Variants in GREB1 observed in about 807,000 individuals in gnomAD.
The protein encoded by GREB1 is protein GREB1.
GREB1 carries 106 observed loss-of-function variants against 200.7 expected under a neutral mutation model. That is an observed-to-expected ratio of 0.53 (90% confidence interval 0.45 to 0.62). The LOEUF is 0.62. Ranked by LOEUF, GREB1 falls within the 20% of genes least tolerant of loss-of-function variation. The probability of loss-of-function intolerance (pLI) is 0.00; values close to 1 mark genes in which losing one functional copy is unlikely to be tolerated. For synonymous variants in GREB1, 1,132 were observed against 1,092.4 expected, an observed-to-expected ratio of 1.04 and a Z score of -0.72; for missense variants, 2,243 against 2,556.8, an observed-to-expected ratio of 0.88 and a Z score of 2.65.
intron 23 of GREB1, among the ~76,000 whole-genome samples, chr2:11,623,203 T>C (rs1221938818): frequency 6.6e-6 from 1 of 152,240 alleles, no homozygotes; most frequent in African/African-American, 2.4e-5. Flanking sequence ...GCAAGAGGCA[T>C]TACTCAAGTG....
chr2:11,483,267 TGTGCGTGTGTGAGTGCGCGTGTGC>T (rs1672555362), intron 1 of GREB1, among the ~76,000 whole-genome samples: 1 of 149,100 alleles, frequency 6.7e-6, no homozygotes, highest in Non-Finnish European at 1.5e-5. Context: ...TGTGCACGTG[TGTGCGTGTGTGAGTGCGCGTGTGC>T]GTGCGTGCAT....
At chr2:11,592,449 G>C (rs1680823893) in intron 10 of GREB1, among the ~76,000 whole-genome samples, 1 of 151,648 alleles carries the variant, frequency 6.6e-6, no homozygotes. Flanking sequence ...TTAGGTGTGT[G>C]TGGCCAAAGA....
Position 11,613,229 on chromosome 2 carries a change from G to A in GREB1, c.3122+619G>A, listed in dbSNP as rs575225949. Among the ~76,000 whole-genome samples the A allele has an allele frequency of 2.4e-4, 37 of 152,156 alleles. No homozygotes were observed. The South Asian group carries it at 6.2e-3, about 26-fold the overall frequency. On this transcript the variant is annotated intron_variant, in intron 19 of 32. Coordinates refer to ENST00000381486, the MANE Select transcript of GREB1 (RefSeq NM_014668.4). ...TCTCTAGGCCACCACACAGACATGC[G>A]GACACTCGAGACTCAGGTCCCTGGG...
At chr2:11,624,057 T>G (rs1220061276) in intron 23 of GREB1, among the ~76,000 whole-genome samples, 2 of 152,220 alleles carry the variant, frequency 1.3e-5, no homozygotes. Context: ...TTTAAAAGGT[T>G]ATAAAGTAAA....
chr2:11,526,057 C>T (rs1296553986), intron 1 of GREB1, among the ~76,000 whole-genome samples: 1 of 152,192 alleles, frequency 6.6e-6, no homozygotes, highest in Non-Finnish European at 1.5e-5. Context: ...CAAAGGCTTT[C>T]TTTTATCAAT....
intron 23 of GREB1, 151 bp from the exon 24 acceptor site, chr2:11,625,003 G>A (rs2148392353): frequency 1.5e-6 from 1 of 669,654 alleles, no homozygotes; most frequent in African/African-American, 1.8e-5. Context: ...CCGTGTAGGT[G>A]TGTGTAAGTG....
At chr2:11,620,410 A>C (rs966193640) in intron 22 of GREB1, among the ~76,000 whole-genome samples, 1 of 152,200 alleles carries the variant, frequency 6.6e-6, no homozygotes, top group African/African-American at 2.4e-5. Context: ...GGAAGCAGGG[A>C]ACTCTACGTT....
intron 30 of GREB1, among the ~76,000 whole-genome samples, chr2:11,637,070 G>A (rs1482931221): frequency 1.8e-5 from 2 of 111,256 alleles, no homozygotes; most frequent in African/African-American, 5.8e-5. Flanking sequence ...AGGGACAGAG[G>A]CAGGGGCAGG....
rs750666787 is a variant in GREB1, at chr2:11,625,298, G to T, written c.4292G>T (p.Gly1431Val). Reference protein sequence around the residue: ...DASLICSHYQGIKSEDRGMSR... With the variant: ...DASLICSHYQVIKSEDRGMSR... ...AGCCTGATTTGTTCGCACTATCAGG[G>T]TATAAAGAGTGAAGGTCAGACTTTG... The change falls in exon 24 of 33, where the codon GGT becomes GTT. Residue 1431 changes from glycine (G) to valine (V), a missense_variant. Physicochemically the swap from Gly to Val is moderately radical, Grantham distance 109 (BLOSUM62 -3). This residue lies in a region of GREB1 where 587 missense variants were observed against 553.1 expected (regional missense o/e 1.06). Coordinates refer to ENST00000381486, the MANE Select transcript of GREB1 (RefSeq NM_014668.4). The T allele has an allele frequency of 3.1e-6, 5 of 1,614,034 alleles. No homozygotes were observed. Among genetic ancestry groups the T allele is most frequent in the Non-Finnish European group, 3.4e-6 (4 of 1,180,006 alleles).
At chr2:11,621,605 C>T (rs1684021441) in intron 23 of GREB1, among the ~76,000 whole-genome samples, 1 of 152,226 alleles carries the variant, frequency 6.6e-6, no homozygotes, top group African/African-American at 2.4e-5. Flanking sequence ...TCCTCCTCAT[C>T]CCTCCTCCCA....
chr2:11,594,240 G>T (rs1210676334), intron 11 of GREB1, among the ~76,000 whole-genome samples: 2 of 151,580 alleles, frequency 1.3e-5, no homozygotes, highest in Admixed American at 1.3e-4. Flanking sequence ...AAACTCTTGG[G>T]CTCAAGCAGT....
At position 11,512,711 on chromosome 2, in the gene GREB1, A is replaced by T. The variant is rs926634153; in HGVS notation, c.-159+30330A>T. ...CCAAGCCTCACTTTCCCTGTGTGAC[A>T]AAGAGGATAAGACCTCTTGTCTCAC... is the stretch of plus-strand genomic sequence containing the variant. On this transcript the variant is annotated intron_variant, in intron 1 of 2. Coordinates refer to the GREB1 transcript ENST00000628795. Among the ~76,000 whole-genome samples the T allele has an allele frequency of 9.9e-5, 15 of 152,216 alleles. 1 individual carries two copies. Among genetic ancestry groups the T allele is most frequent in the Admixed American group, 9.8e-4 (15 of 15,282 alleles).
At chr2:11,619,176 C>T (rs1020125813) in intron 22 of GREB1, among the ~76,000 whole-genome samples, 16 of 152,300 alleles carry the variant, frequency 1.1e-4, no homozygotes, top group South Asian at 8.3e-4. Flanking sequence ...TATCAGACTA[C>T]GGTTCCTCAA....
At chr2:11,586,370 T>C (rs917059799) in intron 9 of GREB1, among the ~76,000 whole-genome samples, 1 of 152,256 alleles carries the variant, frequency 6.6e-6, no homozygotes, top group African/African-American at 2.4e-5. Context: ...TGGGCAAAGA[T>C]AGCCGTGGTC....
intron 1 of GREB1, among the ~76,000 whole-genome samples, chr2:11,549,632 C>T (rs1024374973): frequency 5.9e-5 from 9 of 152,148 alleles, no homozygotes; most frequent in Admixed American, 1.3e-4. Flanking sequence ...TCAACTTTGC[C>T]TTGTAGCCCT....
At chr2:11,483,287 TGTGC>T (rs1281584752) in intron 1 of GREB1, among the ~76,000 whole-genome samples, 2 of 147,816 alleles carry the variant, frequency 1.4e-5, no homozygotes, top group East Asian at 2.0e-4. Flanking sequence ...TGAGTGCGCG[TGTGC>T]GTGCGTGCAT....
chr2:11,511,469 A>G (rs1673350031), intron 1 of GREB1, among the ~76,000 whole-genome samples: 2 of 152,144 alleles, frequency 1.3e-5, no homozygotes, highest in Non-Finnish European at 2.9e-5. Context: ...TGGAGACAAG[A>G]TGGGAGTGTG....
At chr2:11,612,664 C>A in intron 19 of GREB1, 54 bp downstream of exon 19, 1 of 1,157,670 alleles carries the variant, frequency 8.6e-7, no homozygotes, top group Non-Finnish European at 1.3e-6. Context: ...CTGCCTGGGC[C>A]CCCTCAAGGA....
intron 23 of GREB1, among the ~76,000 whole-genome samples, chr2:11,623,363 C>T (rs1393975855): frequency 6.6e-6 from 1 of 152,162 alleles, no homozygotes; most frequent in Non-Finnish European, 1.5e-5. Context: ...TAGTATACAC[C>T]TTCTACTTAT....
Sources: allele counts gnomAD v4.1 joint callset (sites outside exome capture counted in the v4.1 genomes callset), GRCh38; gene constraint gnomAD v4.1.1; regional missense constraint gnomAD v4.1.1; transcripts MANE v1.5; gene names NCBI Gene and HGNC (gene_info 2026-07-23, HGNC 2026-07-21).